Variants in USP13 observed in about 807,000 individuals in gnomAD.
USP13 encodes ubiquitin specific peptidase 13.
USP13 carries 68 observed loss-of-function variants against 107.8 expected under a neutral mutation model. The observed-to-expected ratio is 0.63, with a 90% CI of 0.52 to 0.77. The LOEUF is 0.77. Among genes scored for constraint, USP13 ranks in the 30% least tolerant of loss-of-function variants. The probability of loss-of-function intolerance (pLI) is 0.00; values close to 1 mark genes in which losing one functional copy is unlikely to be tolerated. For missense variants in USP13, 945 were observed against 1,093.3 expected (o/e 0.86, Z 1.91); for synonymous variants, 377 against 389.5 (o/e 0.97, Z 0.38).
At chr3:179,764,228 T>C in intron 18 of USP13, 60 bp downstream of exon 18, 1 of 1,542,252 alleles carries the variant, frequency 6.5e-7, no homozygotes, top group Non-Finnish European at 8.7e-7. Context: ...TTTATTTCTG[T>C]AGCAGTTGAG....
At chr3:179,674,482 C>A (rs1355866888) in intron 1 of USP13, among the ~76,000 whole-genome samples, 1 of 152,204 alleles carries the variant, frequency 6.6e-6, no homozygotes, top group Non-Finnish European at 1.5e-5. Flanking sequence ...ACACACAATT[C>A]ATAACTTTGT....
chr3:179,659,578 C>T (rs1453372550), intron 1 of USP13, among the ~76,000 whole-genome samples: 1 of 152,118 alleles, frequency 6.6e-6, no homozygotes, highest in Non-Finnish European at 1.5e-5. Context: ...CTAATTATTG[C>T]ATATATTATT....
intron 8 of USP13, among the ~76,000 whole-genome samples, chr3:179,722,029 G>C (rs1191922351): frequency 6.8e-6 from 1 of 147,038 alleles, no homozygotes; most frequent in Non-Finnish European, 1.5e-5. Context: ...TCATGCCACT[G>C]CACTCCAGCC....
At chr3:179,696,093 T>C (rs930498042) in intron 3 of USP13, among the ~76,000 whole-genome samples, 5 of 152,162 alleles carry the variant, frequency 3.3e-5, no homozygotes, top group African/African-American at 9.7e-5. Flanking sequence ...TCAAGCACCA[T>C]GTGAAAATCA....
At chr3:179,658,441 C>T (rs191357369) in intron 1 of USP13, among the ~76,000 whole-genome samples, 164 of 152,294 alleles carry the variant, frequency 1.1e-3, no homozygotes, top group South Asian at 2.3e-3. Flanking sequence ...ATTCTGCCCC[C>T]CTCCCCACCT....
chr3:179,786,988 A>G lies in USP13; in HGVS notation c.*2847A>G, dbSNP rs1377098412. ...ATTGATCTAAATGCCCATATAACTAATCAGAAATCCAGTTTGGTTCAGATT... is the reference window on the plus strand; with the variant it reads ...ATTGATCTAAATGCCCATATAACTAGTCAGAAATCCAGTTTGGTTCAGATT... On this transcript the variant is annotated 3_prime_UTR_variant, in exon 21 of 21. Coordinates refer to ENST00000263966, the MANE Select transcript of USP13 (RefSeq NM_003940.3). The G allele has an allele frequency of 1.3e-5, 2 of 152,224 alleles. No homozygotes were observed. Among genetic ancestry groups the G allele is most frequent in the Non-Finnish European group, 2.9e-5 (2 of 68,040 alleles). The allele number at this position is 152,224 out of a possible 1,614,324, so 9.4% of individuals were successfully genotyped here.
intron 19 of USP13, among the ~76,000 whole-genome samples, chr3:179,773,704 AG>A (rs1715409098): frequency 2.0e-5 from 3 of 152,374 alleles, no homozygotes; most frequent in Admixed American, 2.0e-4. Flanking sequence ...GGATATTTAA[AG>A]ACAATTTCAA....
At position 179,675,348 on chromosome 3, in the gene USP13, T is replaced by C. The variant is rs975587637; in HGVS notation, c.169-6530T>C. Among the ~76,000 whole-genome samples the C allele has an allele frequency of 3.9e-5, 6 of 152,164 alleles. 1 individual carries two copies. Among genetic ancestry groups the C allele is most frequent in the African/African-American group, 1.4e-4 (6 of 41,538 alleles). The stretch of plus-strand genomic sequence containing the variant: ...GTAGATCTAGGTTAATTTTCTTCTA[T>C]ACTGATGTTAATTTTCCTAGTAACT... On this transcript the variant is annotated intron_variant, in intron 1 of 20. Coordinates refer to ENST00000263966, the MANE Select transcript of USP13 (RefSeq NM_003940.3).
At position 179,730,720 on chromosome 3, in the gene USP13, G is replaced by A. The variant is rs536003883; in HGVS notation, c.1254+11G>A. 4.3e-6 allele frequency: 7 copies of A among 1,611,592 alleles called. No homozygotes were observed. The South Asian group carries it at 4.4e-5, about 10-fold the overall frequency. On this transcript the variant is annotated intron_variant, in intron 10 of 20. Coordinates refer to ENST00000263966, the MANE Select transcript of USP13 (RefSeq NM_003940.3). ...AAGGAGGAGCACAAGGTATGTGTCC[G>A]AGCGTTTGCCATGTTGACATGTAGG...
chr3:179,692,357 G>C (rs1712143928), intron 3 of USP13, among the ~76,000 whole-genome samples: 2 of 152,326 alleles, frequency 1.3e-5, no homozygotes, highest in African/African-American at 4.8e-5. Flanking sequence ...TTGATTCTCA[G>C]TTACTCTGTG....
At chr3:179,758,905 A>G (rs1423357757) in intron 16 of USP13, among the ~76,000 whole-genome samples, 9 of 152,176 alleles carry the variant, frequency 5.9e-5, no homozygotes, top group Admixed American at 3.3e-4. Context: ...TCACCCATCT[A>G]TAACCACTGT....
intron 1 of USP13, among the ~76,000 whole-genome samples, chr3:179,657,766 A>G: frequency 7.5e-6 from 1 of 132,780 alleles, no homozygotes; most frequent in East Asian, 2.4e-4. Flanking sequence ...CCGTCTCAAA[A>G]AAAAAAAAAA....
chr3:179,779,593 C>G (rs970703645), intron 19 of USP13, among the ~76,000 whole-genome samples: 5 of 151,944 alleles, frequency 3.3e-5, no homozygotes, highest in African/African-American at 1.2e-4. Context: ...CGCCCTCACA[C>G]GTTCATGGGC....
intron 6 of USP13, 83 bp downstream of exon 6, chr3:179,709,040 G>T: frequency 3.3e-6 from 5 of 1,494,090 alleles, no homozygotes; most frequent in Non-Finnish European, 4.5e-6. Context: ...GTGGTTGGAA[G>T]GTGCAGGCTC....
rs1711531511 is a variant in USP13, at chr3:179,678,115, CA to C, written c.169-3762del. ...CTTAGGCCAGAGAGCTAGCTGGTGA[CA>C]GAGCATGACCTCTATTACAGATCCC... On this transcript the variant is annotated intron_variant, in intron 1 of 20. Coordinates refer to ENST00000263966, the MANE Select transcript of USP13 (RefSeq NM_003940.3). This position sits in a 1 kb window ranked among gnomAD's most constrained non-coding sequence, Gnocchi z 4.2. Among the ~76,000 whole-genome samples the C allele has an allele frequency of 6.6e-6, 1 of 152,140 alleles. No individual in the cohort carries two copies. Among genetic ancestry groups the C allele is most frequent in the Non-Finnish European group, 1.5e-5 (1 of 68,030 alleles).
At chr3:179,712,203 G>A (rs1712955979) in intron 6 of USP13, among the ~76,000 whole-genome samples, 1 of 152,140 alleles carries the variant, frequency 6.6e-6, no homozygotes, top group African/African-American at 2.4e-5. Context: ...TTTTCTAGAA[G>A]CTTTCTTTTC....
At chr3:179,771,132 C>T (rs116144677) in intron 19 of USP13, among the ~76,000 whole-genome samples, 2,223 of 152,270 alleles carry the variant, frequency 0.015, 45 homozygotes, top group African/African-American at 0.051. Context: ...GCTGGATGGG[C>T]CCCTTGGCTC....
intron 19 of USP13, among the ~76,000 whole-genome samples, chr3:179,775,720 T>A (rs986164470): frequency 1.3e-5 from 2 of 152,192 alleles, no homozygotes; most frequent in African/African-American, 4.8e-5. Flanking sequence ...CTGGCACTGC[T>A]GGCGGACCTG....
At chr3:179,662,323 C>G (rs932316177) in intron 1 of USP13, among the ~76,000 whole-genome samples, 7 of 152,152 alleles carry the variant, frequency 4.6e-5, no homozygotes, top group African/African-American at 1.7e-4. Context: ...GCTCTGACGG[C>G]TACATAGAAA....
Sources: allele counts gnomAD v4.1 joint callset (sites outside exome capture counted in the v4.1 genomes callset), GRCh38; gene constraint gnomAD v4.1.1; non-coding constraint Gnocchi (gnomAD v3.1); transcripts MANE v1.5; gene names NCBI Gene and HGNC (gene_info 2026-07-23, HGNC 2026-07-21).